MBTPS1: variants seen among roughly 807,000 people sequenced by gnomAD.
MBTPS1 encodes the protein membrane-bound transcription factor site-1 protease.
A neutral mutation model predicts 127.8 loss-of-function variants in MBTPS1; 94 were observed. That is an observed-to-expected ratio of 0.74 (90% confidence interval 0.62 to 0.87). MBTPS1 has a LOEUF of 0.87. Among genes scored for constraint, MBTPS1 ranks in the 40% least tolerant of loss-of-function variants. The pLI, the probability that MBTPS1 is intolerant of heterozygous loss-of-function variation, is 0.00. For missense variants in MBTPS1, 1,636 were observed against 1,353.2 expected (o/e 1.21, Z -3.28); for synonymous variants, 632 against 509.4 (o/e 1.24, Z -3.24).
chr16:84,112,705 T>A (rs1402488084), intron 1 of MBTPS1, among the ~76,000 whole-genome samples: 1 of 145,244 alleles, frequency 6.9e-6, no homozygotes, highest in Non-Finnish European at 1.5e-5. Context: ...CCGGGCTCGG[T>A]GGCTCACAGC....
At chr16:84,107,383 T>A (rs902393048) in intron 1 of MBTPS1, among the ~76,000 whole-genome samples, 3 of 152,088 alleles carry the variant, frequency 2.0e-5, no homozygotes, top group African/African-American at 7.2e-5. Context: ...CCCATGGGGA[T>A]GAATGATAAG....
chr16:84,087,557 A>C, intron 8 of MBTPS1, 97 bp from the exon 9 acceptor site: 1 of 769,202 alleles, frequency 1.3e-6, no homozygotes, highest in Non-Finnish European at 2.1e-6. Flanking sequence ...GAATACTCCC[A>C]GAACAATCTA....
chr16:84,089,769 A>G (rs546605578), intron 8 of MBTPS1, among the ~76,000 whole-genome samples: 19 of 152,286 alleles, frequency 1.2e-4, no homozygotes, highest in African/African-American at 4.6e-4. Flanking sequence ...CTGGGGTGGG[A>G]AAAGACTCAA....
intron 22 of MBTPS1, 26 bp from the exon 23 acceptor site, chr16:84,054,671 G>A (rs1376762230): frequency 6.5e-7 from 1 of 1,534,004 alleles, no homozygotes; most frequent in Admixed American, 2.0e-5. Flanking sequence ...CGGTTGAACA[G>A]GCAGGAACGC....
chr16:84,111,098 A>G (rs2086390662), intron 1 of MBTPS1, among the ~76,000 whole-genome samples: 1 of 152,226 alleles, frequency 6.6e-6, no homozygotes, highest in Non-Finnish European at 1.5e-5. Flanking sequence ...ACACAAAAGC[A>G]TACAGGCCAA....
chr16:84,089,751 T>C (rs1404963162), intron 8 of MBTPS1, among the ~76,000 whole-genome samples: 1 of 152,126 alleles, frequency 6.6e-6, no homozygotes, highest in African/African-American at 2.4e-5. Context: ...ATGTCCATGC[T>C]GGAAGAGCTG....
At chr16:84,088,208 C>G (rs957685523) in intron 8 of MBTPS1, among the ~76,000 whole-genome samples, 1 of 151,750 alleles carries the variant, frequency 6.6e-6, no homozygotes. Flanking sequence ...GCTCCACTAC[C>G]AAAAAAAATG....
chr16:84,060,609 G>A lies in MBTPS1; in HGVS notation c.2704+73C>T, dbSNP rs187004988. ...CTGGCCCCACTTGCTGGCAGGCACA[G>A]CCACTGGCTGAAGTAGCATCATGTT... On this transcript the variant is annotated intron_variant, in intron 20 of 22. Transcript: ENST00000343411. The A allele has an allele frequency of 3.9e-3, 6,029 of 1,545,908 alleles. 17 individuals are homozygous for A. Among genetic ancestry groups the A allele is most frequent in the Non-Finnish European group, 5.0e-3 (5,626 of 1,135,406 alleles).
At position 84,081,803 on chromosome 16, in the gene MBTPS1, G is replaced by A. The variant is rs1423508797; in HGVS notation, c.1392C>T (p.Gly464=). ...GATAGGCTCTGAGCAGATCGAGCTT[G>A]CCGTGGCCTTGCTCAAACATGTTGA... is the stretch of plus-strand genomic sequence containing the variant. ...PGVNMFEQGH[G]KLDLLRAYQI... Residue 464 remains glycine (G), a synonymous_variant, in exon 11 of 23, where the codon GGC becomes GGT. Coordinates refer to ENST00000343411, the MANE Select transcript of MBTPS1 (RefSeq NM_003791.4). The A allele has an allele frequency of 2.3e-5, 35 of 1,530,772 alleles. No individual in the cohort carries two copies. Among genetic ancestry groups the A allele is most frequent in the Non-Finnish European group, 2.9e-5 (33 of 1,137,264 alleles). The allele number at this position is 1,530,772 out of a possible 1,614,324, so 94.8% of individuals were successfully genotyped here.
chr16:84,055,893 C>T, intron 22 of MBTPS1, 112 bp downstream of exon 22: 1 of 1,255,590 alleles, frequency 8.0e-7, no homozygotes, highest in African/African-American at 1.5e-5. Flanking sequence ...ACCACAGCTC[C>T]CAGGAAGGCA....
At chr16:84,111,210 G>A (rs1327618483) in intron 1 of MBTPS1, among the ~76,000 whole-genome samples, 1 of 152,122 alleles carries the variant, frequency 6.6e-6, no homozygotes, top group African/African-American at 2.4e-5. Flanking sequence ...GAGAGAGGCA[G>A]GAGATGACAA....
intron 14 of MBTPS1, among the ~76,000 whole-genome samples, chr16:84,068,981 C>G (rs2085730690): frequency 6.6e-6 from 1 of 152,300 alleles, no homozygotes; most frequent in African/African-American, 2.4e-5. Flanking sequence ...TCATTCTCAC[C>G]TCCCAGCAGC....
rs761880837 is a variant in MBTPS1 at position 84,060,791 on chromosome 16, G to A, written c.2595C>T (p.Ala865=). The change falls in exon 20 of 23, where the codon GCC becomes GCT. Residue 865 remains alanine (A), a synonymous_variant. Transcript: ENST00000343411. ...RQKDCFWLLD[A]LLQYTSYGVT... is the part of the protein sequence containing the mutation. ...CCCCATACGATGTGTACTGGAGGAG[G>A]GCATCCAGAAGCCAAAAGCAGTCTG... The A allele has an allele frequency of 9.4e-6, 15 of 1,593,666 alleles. No individual in the cohort carries two copies. The highest frequency in any genetic ancestry group is 7.1e-5 in the Admixed American group (4 of 56,284).
chr16:84,079,394 T>C (rs1352460411), intron 11 of MBTPS1, among the ~76,000 whole-genome samples: 7 of 152,042 alleles, frequency 4.6e-5, no homozygotes, highest in Non-Finnish European at 1.0e-4. Context: ...AACGAGGATG[T>C]GGGGGAAATC....
chr16:84,111,455 C>G (rs140591767), intron 1 of MBTPS1, among the ~76,000 whole-genome samples: 1 of 152,090 alleles, frequency 6.6e-6, no homozygotes, highest in Non-Finnish European at 1.5e-5. Context: ...GCAGGAGAAT[C>G]ACTTGAACCC....
chr16:84,061,229 A>G (rs1456165186), intron 19 of MBTPS1: 1 of 163,436 alleles, frequency 6.1e-6, no homozygotes, highest in Non-Finnish European at 1.3e-5. Context: ...AGTAAATCCA[A>G]CATGTTCCAG....
chr16:84,113,948 G>C (rs1384717660), intron 1 of MBTPS1, among the ~76,000 whole-genome samples: 1 of 148,198 alleles, frequency 6.7e-6, no homozygotes, highest in Admixed American at 6.7e-5. Flanking sequence ...AAACAAAGGT[G>C]TCTTCCCTTT....
chr16:84,112,765 A>ATCTCCTGAGT (rs2086417126), intron 1 of MBTPS1, among the ~76,000 whole-genome samples: 2 of 151,962 alleles, frequency 1.3e-5, no homozygotes, highest in African/African-American at 4.8e-5. Context: ...ACCCGAGGTC[A>ATCTCCTGAGT]GGAGTTCAAG....
chr16:84,098,845 CTT>C (rs1179807604), intron 3 of MBTPS1, among the ~76,000 whole-genome samples: 1 of 152,070 alleles, frequency 6.6e-6, no homozygotes, highest in Non-Finnish European at 1.5e-5. Flanking sequence ...TACGAAGTCT[CTT>C]TTTAAAAAAT....
Sources: allele counts gnomAD v4.1 joint callset (sites outside exome capture counted in the v4.1 genomes callset), GRCh38; gene constraint gnomAD v4.1.1; transcripts MANE v1.5; gene names NCBI Gene and HGNC (gene_info 2026-07-23, HGNC 2026-07-21).